YEATS2: variants seen among roughly 807,000 people sequenced by gnomAD.
YEATS2 encodes the protein YEATS domain-containing protein 2.
Under a neutral mutation model 163.2 loss-of-function variants are expected in YEATS2, and 77 were observed. The ratio of observed to expected loss-of-function variants is 0.47; its 90% CI spans 0.39 to 0.57. The LOEUF is 0.57. Among genes scored for constraint, YEATS2 ranks in the 20% least tolerant of loss-of-function variants. The pLI is 0.00. For synonymous variants in YEATS2, 631 were observed against 645.1 expected (o/e 0.98, Z 0.33); for missense variants, 1,549 against 1,729.8 (o/e 0.90, Z 1.85).
intron 1 of YEATS2, among the ~76,000 whole-genome samples, chr3:183,714,581 TTAATA>T (rs1715635304): frequency 2.6e-5 from 4 of 152,140 alleles, no homozygotes; most frequent in Admixed American, 2.6e-4. Context: ...GTTAATTAGT[TTAATA>T]TAAGTCTATA....
chr3:183,706,028 G>C (rs1049232464), intron 1 of YEATS2, among the ~76,000 whole-genome samples: 2 of 147,358 alleles, frequency 1.4e-5, no homozygotes, highest in African/African-American at 5.0e-5. Flanking sequence ...GACAGAGCAA[G>C]ACTGTTTCAA....
intron 19 of YEATS2, among the ~76,000 whole-genome samples, chr3:183,782,925 G>A (rs1452822672): frequency 1.3e-5 from 2 of 152,202 alleles, no homozygotes; most frequent in Non-Finnish European, 2.9e-5. Flanking sequence ...TAAAATGGTT[G>A]TACTGTTTGA....
intron 27 of YEATS2, 121 bp from the exon 28 acceptor site, chr3:183,806,745 G>A: frequency 1.1e-6 from 1 of 950,478 alleles, no homozygotes; most frequent in East Asian, 2.6e-5. Context: ...TGTTAGAACT[G>A]GAAAGAAGGT....
intron 1 of YEATS2, among the ~76,000 whole-genome samples, chr3:183,699,111 C>T (rs1434659534): frequency 6.6e-6 from 1 of 151,994 alleles, no homozygotes; most frequent in Non-Finnish European, 1.5e-5. Flanking sequence ...TTGGACTAGG[C>T]CCGTGGCAGG....
chr3:183,791,591 A>G (rs985472921), intron 21 of YEATS2, among the ~76,000 whole-genome samples: 14 of 152,228 alleles, frequency 9.2e-5, no homozygotes, highest in African/African-American at 1.4e-4. Flanking sequence ...GGGAGAGCCA[A>G]GAGTTTGCTT....
At chr3:183,759,087 C>G in intron 13 of YEATS2, 122 bp downstream of exon 13, 4 of 632,486 alleles carry the variant, frequency 6.3e-6, no homozygotes, top group Non-Finnish European at 7.8e-6. Flanking sequence ...AACTCCTGGC[C>G]TCAAGAGATC....
chr3:183,728,552 T>G, intron 6 of YEATS2, 138 bp from the exon 7 acceptor site: 2 of 724,570 alleles, frequency 2.8e-6, no homozygotes, highest in Non-Finnish European at 4.2e-6. Flanking sequence ...CAAAGACTCA[T>G]TTTGCTTGTT....
intron 23 of YEATS2, 56 bp from the exon 24 acceptor site, chr3:183,800,410 G>A (rs1055385213): frequency 2.6e-5 from 34 of 1,297,362 alleles, no homozygotes; most frequent in Non-Finnish European, 3.4e-5. Flanking sequence ...GTGCCTGCAC[G>A]TGTCCTTCCA....
chr3:183,723,467 T>C (rs1716746733), intron 5 of YEATS2, among the ~76,000 whole-genome samples: 1 of 152,218 alleles, frequency 6.6e-6, no homozygotes. Flanking sequence ...TTTTTGAAAA[T>C]TGTTAAATAC....
At chr3:183,793,492 A>AACCTTC (rs1553882040) in intron 21 of YEATS2, 12 of 963,710 alleles carry the variant, frequency 1.2e-5, no homozygotes, top group Non-Finnish European at 1.5e-5. Flanking sequence ...AATAATGAAT[A>AACCTTC]CCTTGTCTGT....
At chr3:183,738,772 T>C (rs1237575590) in intron 8 of YEATS2, among the ~76,000 whole-genome samples, 1 of 117,416 alleles carries the variant, frequency 8.5e-6, no homozygotes, top group East Asian at 2.4e-4. Context: ...ATGGTGTATA[T>C]GTGCCACATT....
intron 1 of YEATS2, among the ~76,000 whole-genome samples, chr3:183,700,752 C>G (rs1439225712): frequency 9.3e-6 from 1 of 107,792 alleles, no homozygotes; most frequent in East Asian, 2.6e-4. Flanking sequence ...GCCTGGGCGA[C>G]AGAGGGAGAC....
At chr3:183,808,856 A>AAAAT (rs1390971347) in intron 29 of YEATS2, 3 of 405,358 alleles carry the variant, frequency 7.4e-6, no homozygotes, top group South Asian at 2.8e-5. Context: ...ACTCCATCTC[A>AAAAT]AAATAAATAA....
In YEATS2 at chr3:183,754,313, G is replaced by A. The variant is rs1253531143; in HGVS notation, c.1338G>A (p.Glu446=). The A allele has an allele frequency of 6.2e-7, 1 of 1,614,072 alleles. No individual in the cohort carries two copies. The highest frequency in any genetic ancestry group is 8.5e-7 in the Non-Finnish European group (1 of 1,179,972). Residue 446 remains glutamate (E), a synonymous_variant, in exon 11 of 31, where the codon GAG becomes GAA. Transcript: ENST00000305135. The part of the protein sequence containing the change: ...IVPQSQVPNP[E]SPGKSFQPIT... ...CACAAAGTCAGGTTCCTAATCCTGA[G>A]TCACCTGGAAAATCCTTCCAGCCCA... is the stretch of plus-strand genomic sequence containing the variant.
Position 183,803,153 on chromosome 3 carries a change from C to T in YEATS2, c.3503-103C>T, listed in dbSNP as rs1304602612. 15 of 1,200,836 alleles carry T rather than the reference C, an allele frequency of 1.2e-5. No individual in the cohort carries two copies. In the South Asian group the frequency reaches 1.5e-4, roughly 12 times the overall value. 74.4% of individuals were successfully genotyped at this position (1,200,836 alleles called of 1,614,324 possible). ...GCTTGCCCAGTAAGGAACATACATGCGATAAAGAGGTCTGAAGAAGTGACT... is the reference window on the plus strand; with the variant it reads ...GCTTGCCCAGTAAGGAACATACATGTGATAAAGAGGTCTGAAGAAGTGACT... On this transcript the variant is annotated intron_variant, in intron 25 of 30. Transcript: ENST00000305135.
Position 183,752,064 on chromosome 3 carries a change from A to G in YEATS2, c.970-9A>G, listed in dbSNP as rs756447381. 9.9e-6 allele frequency: 16 copies of G among 1,613,554 alleles called. No homozygotes were observed. Among genetic ancestry groups the G allele is most frequent in the South Asian group, 4.4e-5 (4 of 91,050 alleles). On this transcript the variant is annotated splice_polypyrimidine_tract_variant and intron_variant, in intron 9 of 30. Coordinates refer to ENST00000305135, the MANE Select transcript of YEATS2 (RefSeq NM_018023.5). Reference sequence around the variant, plus strand: ...GACTCATGAGCCTGATTGTTGCCCAATTGTCTAGGTAGTGGATGTTGAACT... The same window carrying G: ...GACTCATGAGCCTGATTGTTGCCCAGTTGTCTAGGTAGTGGATGTTGAACT...
At position 183,752,224 on chromosome 3, in the gene YEATS2, A is replaced by G. The variant is rs1385016919; in HGVS notation, c.1121A>G (p.Glu374Gly). 1 of 1,614,148 alleles carries G rather than the reference A, an allele frequency of 6.2e-7. No individual in the cohort carries two copies. The highest frequency in any genetic ancestry group is 1.1e-5 in the South Asian group (1 of 91,090). Residue 374 changes from glutamate to glycine, a missense_variant, in exon 10 of 31, where the codon GAG (glutamate) becomes GGG (glycine). Coordinates refer to ENST00000305135, the MANE Select transcript of YEATS2 (RefSeq NM_018023.5). The part of the protein sequence containing the change: ...KASSPIKQSH[E>G]PVPDTSVEKG... Reference sequence around the variant, plus strand: ...TCTTCACCAATAAAGCAGTCACATGAGCCAGTACCCGATACCTCTGTGGAG... The same window carrying G: ...TCTTCACCAATAAAGCAGTCACATGGGCCAGTACCCGATACCTCTGTGGAG...
At chr3:183,737,175 C>T (rs1718430281) in intron 8 of YEATS2, among the ~76,000 whole-genome samples, 1 of 152,144 alleles carries the variant, frequency 6.6e-6, no homozygotes, top group Non-Finnish European at 1.5e-5. Flanking sequence ...TCTTTATCCT[C>T]GCCATCTTCA....
intron 15 of YEATS2, among the ~76,000 whole-genome samples, chr3:183,765,137 G>A (rs1012959464): frequency 2.6e-5 from 4 of 152,162 alleles, no homozygotes; most frequent in Non-Finnish European, 1.5e-5. Context: ...TCTGGCTTCA[G>A]GGGTAAGAAT....
Sources: gnomAD v4.1 joint callset for allele counts (sites outside exome capture counted in the v4.1 genomes callset) on GRCh38, gnomAD v4.1.1 for gene constraint, MANE v1.5 for transcripts, NCBI Gene and HGNC (gene_info 2026-07-23, HGNC 2026-07-21) for gene names.